The following ERC1 variants were observed in gnomAD, a reference collection of about 807,000 sequenced individuals.
ERC1 encodes the protein RAB6 interacting protein 2.
In ERC1, 56 loss-of-function variants were observed where a neutral mutation model predicts 132.0. The ratio of observed to expected loss-of-function variants is 0.42; its 90% confidence interval spans 0.34 to 0.53. The LOEUF is 0.53. Ranked by LOEUF, ERC1 falls within the 20% of genes least tolerant of loss-of-function variation. ERC1 has a pLI of 0.03. For missense variants in ERC1, 1,202 were observed against 1,349.9 expected (o/e 0.89, Z 1.72); for synonymous variants, 478 against 476.1 (o/e 1.00, Z -0.05).
chr12:1,455,533 T>A (rs988623323), intron 18 of ERC1, among the ~76,000 whole-genome samples: 1 of 152,212 alleles, frequency 6.6e-6, no homozygotes, highest in African/African-American at 2.4e-5. Context: ...TCTCCTCATG[T>A]ATAAGATGTG....
At position 1,337,903 on chromosome 12, in the gene ERC1, C is replaced by A. The variant is rs111561088; in HGVS notation, c.2781-33930C>A. Among the ~76,000 whole-genome samples, 120 of 152,244 alleles carry A rather than the reference C, an allele frequency of 7.9e-4. 2 individuals carry two copies. Among genetic ancestry groups the A allele is most frequent in the African/African-American group, 2.7e-3 (113 of 41,546 alleles). ...CTTGTAGGGTTTCTGCTGAGAGGTC[C>A]GCTGTTAGTCTGATGGACTTGCCTT... is the stretch of plus-strand genomic sequence containing the variant. On this transcript the variant is annotated intron_variant, in intron 15 of 18. Transcript: ENST00000360905.
At chr12:1,002,973 A>T (rs1565755545) in intron 1 of ERC1, among the ~76,000 whole-genome samples, 1 of 151,534 alleles carries the variant, frequency 6.6e-6, no homozygotes. Flanking sequence ...TAAGGAGGCC[A>T]GGCACCGTGG....
At chr12:1,036,357 A>G (rs1037643111) in intron 2 of ERC1, among the ~76,000 whole-genome samples, 1 of 143,684 alleles carries the variant, frequency 7.0e-6, no homozygotes, top group Non-Finnish European at 1.5e-5. Context: ...AGCCATTATT[A>G]TTTGCCATTA....
chr12:1,162,018 A>G (rs1951927116), intron 8 of ERC1, among the ~76,000 whole-genome samples: 2 of 152,336 alleles, frequency 1.3e-5, no homozygotes, highest in Middle Eastern at 3.4e-3. Context: ...TCGCTGGGTT[A>G]TAAGTTAGTC....
intron 18 of ERC1, among the ~76,000 whole-genome samples, chr12:1,484,247 G>A (rs1347295174): frequency 6.6e-6 from 1 of 151,776 alleles, no homozygotes; most frequent in Admixed American, 6.5e-5. Context: ...GGAGCTTGCA[G>A]TGAGCCGAGA....
chr12:1,222,109 A>G (rs1959042589), intron 12 of ERC1, among the ~76,000 whole-genome samples: 1 of 152,180 alleles, frequency 6.6e-6, no homozygotes, highest in South Asian at 2.1e-4. Flanking sequence ...ACATGTAAAC[A>G]TCAGTAACAA....
intron 8 of ERC1, among the ~76,000 whole-genome samples, chr12:1,177,735 G>C (rs1953904769): frequency 6.6e-6 from 1 of 152,200 alleles, no homozygotes; most frequent in Non-Finnish European, 1.5e-5. Flanking sequence ...ATGTGACAGA[G>C]ACACCAAGTT....
At chr12:1,440,449 G>T (rs560055498) in intron 17 of ERC1, among the ~76,000 whole-genome samples, 2 of 148,374 alleles carry the variant, frequency 1.3e-5, no homozygotes, top group Non-Finnish European at 3.0e-5. Context: ...CTCGTGATCT[G>T]CCCTCCTTGG....
intron 16 of ERC1, among the ~76,000 whole-genome samples, chr12:1,381,430 C>G: frequency 6.6e-6 from 1 of 152,118 alleles, no homozygotes. Context: ...AGCTCCTGGC[C>G]TCAAGCCATC....
At chr12:1,189,416 A>G (rs1955480897) in intron 11 of ERC1, among the ~76,000 whole-genome samples, 1 of 152,214 alleles carries the variant, frequency 6.6e-6, no homozygotes, top group Non-Finnish European at 1.5e-5. Context: ...TAGGTAAAGC[A>G]GCATATAGGA....
At chr12:1,184,052 C>T (rs1954784752) in intron 11 of ERC1, among the ~76,000 whole-genome samples, 1 of 150,990 alleles carries the variant, frequency 6.6e-6, no homozygotes, top group African/African-American at 2.5e-5. Context: ...AGGAGAATCA[C>T]TTGAACCCAG....
intron 14 of ERC1, among the ~76,000 whole-genome samples, chr12:1,264,500 TA>T (rs1318927587): frequency 6.6e-6 from 1 of 151,940 alleles, no homozygotes; most frequent in Non-Finnish European, 1.5e-5. Flanking sequence ...CCGTCTCTAC[TA>T]AAAATACAAA....
intron 8 of ERC1, among the ~76,000 whole-genome samples, chr12:1,147,270 T>A (rs1319190539): frequency 6.6e-6 from 1 of 152,206 alleles, no homozygotes; most frequent in African/African-American, 2.4e-5. Context: ...TTGTCATAGA[T>A]GGCTTAAGGT....
At chr12:1,286,025 T>C (rs1427663901) in intron 14 of ERC1, among the ~76,000 whole-genome samples, 2 of 152,140 alleles carry the variant, frequency 1.3e-5, no homozygotes, top group African/African-American at 4.8e-5. Flanking sequence ...TGGTTAATTT[T>C]TTGTAGAGAT....
intron 15 of ERC1, among the ~76,000 whole-genome samples, chr12:1,317,103 G>C (rs2081796339): frequency 6.6e-6 from 1 of 151,108 alleles, no homozygotes; most frequent in South Asian, 2.1e-4. Context: ...AGAGGTTGCA[G>C]TGAGCCGAGG....
intron 15 of ERC1, among the ~76,000 whole-genome samples, chr12:1,340,520 A>G (rs2083732121): frequency 6.6e-6 from 1 of 152,154 alleles, no homozygotes; most frequent in South Asian, 2.1e-4. Context: ...GGCCCGTAGC[A>G]AGAACAGATT....
chr12:1,122,325 ATCTCTATCTCTATCTGTGTC>A (rs1363366076), intron 7 of ERC1, among the ~76,000 whole-genome samples: 2 of 56 alleles, frequency 0.036, 1 homozygote, highest in African/African-American at 0.1. Context: ...CTCTATCTCT[ATCTCTATCTCTATCTGTGTC>A]TCTATCTCTA....
intron 12 of ERC1, among the ~76,000 whole-genome samples, chr12:1,196,905 TA>T (rs1956330556): frequency 1.7e-5 from 1 of 57,718 alleles, no homozygotes; most frequent in African/African-American, 6.3e-5. Context: ...TCTGTCTCTC[TA>T]CACACACACA....
intron 7 of ERC1, among the ~76,000 whole-genome samples, chr12:1,118,541 A>C (rs1946706132): frequency 6.6e-6 from 1 of 152,280 alleles, no homozygotes; most frequent in South Asian, 2.1e-4. Context: ...CTGCGCAAAT[A>C]GAACCATCTC....
Sources: gnomAD v4.1 joint callset for allele counts (sites outside exome capture counted in the v4.1 genomes callset) on GRCh38, gnomAD v4.1.1 for gene constraint, MANE v1.5 for transcripts, NCBI Gene and HGNC (gene_info 2026-07-23, HGNC 2026-07-21) for gene names.